The following GPRIN2 variants were observed in gnomAD, a reference collection of about 807,000 sequenced individuals.
The protein encoded by GPRIN2 is G protein regulated inducer of neurite outgrowth 2.
GPRIN2 carries 1 observed loss-of-function variant against 0.3 expected under a neutral mutation model. The observed-to-expected ratio is 3.90, with a 90% confidence interval of 1.39 to 18.51. The LOEUF is 18.51. Ranked by LOEUF, GPRIN2 falls within the 30% of genes most tolerant of loss-of-function variation. The pLI, the probability that GPRIN2 is intolerant of heterozygous loss-of-function variation, is 0.11. For synonymous variants in GPRIN2, 361 were observed against 258.6 expected (o/e 1.40, Z -3.80); for missense variants, 880 against 604.2 (o/e 1.46, Z -4.79).
In GPRIN2 at chr10:46,549,312, C is replaced by A; in HGVS notation, c.*48G>T. The A allele has an allele frequency of 6.9e-7, 1 of 1,453,276 alleles. No individual in the cohort carries two copies. 90.0% of individuals were successfully genotyped at this position (1,453,276 alleles called of 1,614,324 possible). A position where few individuals can be genotyped will look rare whatever the true frequency, so the allele number is the denominator to read the frequency against. On this transcript the variant is annotated 3_prime_UTR_variant, in exon 3 of 3. Coordinates refer to ENST00000374314, the MANE Select transcript of GPRIN2 (RefSeq NM_001385282.1). ...AGCCCCCACCGTCCCTGGCCCAGGT[C>A]TAGGACTAAGTCAGTGGGCCCAGGC... is the stretch of plus-strand genomic sequence containing the variant.
Position 46,549,368 on chromosome 10 carries a change from G to T in GPRIN2, c.1369C>A (p.Pro457Thr), listed in dbSNP as rs1832744424. ...CCAAGGGCCACAGCTCCTCACTCGG[G>T]GGCCGCGCCGGAGCAGCCGCAGCAG... ...PSCCGCSGAA[P>T]E The change falls in exon 3 of 3, where the codon CCC becomes ACC. Residue 457 changes from proline to threonine, a missense_variant. By Grantham distance (38) the Pro-to-Thr change is conservative. Coordinates refer to ENST00000374314, the MANE Select transcript of GPRIN2 (RefSeq NM_001385282.1). The T allele has an allele frequency of 1.4e-6, 2 of 1,475,862 alleles. No individual in the cohort carries two copies. Among genetic ancestry groups the T allele is most frequent in the Admixed American group, 2.7e-5 (1 of 37,400 alleles). 91.4% of individuals were successfully genotyped at this position (1,475,862 alleles called of 1,614,324 possible).
intron 2 of GPRIN2, among the ~76,000 whole-genome samples, chr10:46,553,072 G>C (rs1196014862): frequency 3.9e-5 from 6 of 152,312 alleles, no homozygotes; most frequent in Non-Finnish European, 7.3e-5. Flanking sequence ...AACTGTGCAA[G>C]CAACCTCTTG....
At position 46,544,249 on chromosome 10, in the gene GPRIN2, TGGACA is replaced by T. The variant is rs1177550625; in HGVS notation, c.*5106_*5110del. Among the ~76,000 whole-genome samples the T allele has an allele frequency of 1.3e-5, 2 of 152,302 alleles. No individual in the cohort carries two copies. Among genetic ancestry groups the T allele is most frequent in the Non-Finnish European group, 2.9e-5 (2 of 68,054 alleles). On this transcript the variant is annotated 3_prime_UTR_variant, in exon 3 of 3. Coordinates refer to ENST00000374314, the MANE Select transcript of GPRIN2 (RefSeq NM_001385282.1). ...AGAAACAGCCTTTCATAATACAAGATGGACAGGAAAGAGGCCAAGGGCAGGCAGTT... is the reference window on the plus strand; with the variant it reads ...AGAAACAGCCTTTCATAATACAAGATGGAAAGAGGCCAAGGGCAGGCAGTT...
chr10:46,550,770 G>C (rs1842508130), intron 2 of GPRIN2, 28 bp from the exon 3 acceptor site: 5 of 1,488,814 alleles, frequency 3.4e-6, no homozygotes, highest in Admixed American at 2.4e-5. Flanking sequence ...GGAGGGAGTG[G>C]AGTTGAGTTG....
chr10:46,542,377 G>C lies in GPRIN2; in HGVS notation c.*6983C>G, dbSNP rs886088853. 1.3e-5 allele frequency among the ~76,000 whole-genome samples: 2 copies of C among 152,312 alleles called. No individual in the cohort carries two copies. The highest frequency in any genetic ancestry group is 2.9e-5 in the Non-Finnish European group (2 of 68,058). Reference sequence around the variant, plus strand: ...TATAATCCCCATGTGACAAGGGAGAGATCAGGTGGAGGTGATGGAATCGTG... The same window carrying C: ...TATAATCCCCATGTGACAAGGGAGACATCAGGTGGAGGTGATGGAATCGTG... On this transcript the variant is annotated 3_prime_UTR_variant, in exon 3 of 3. Transcript: ENST00000374314.
rs1209203367 is a variant in GPRIN2 at position 46,546,850 on chromosome 10, G to A, written c.*2510C>T. Reference sequence around the variant, plus strand: ...ATCTGGGGCCCCAGCCAAGACACAGGTGTTGGATTTCAGCACCGCTCTGCA... The same window carrying A: ...ATCTGGGGCCCCAGCCAAGACACAGATGTTGGATTTCAGCACCGCTCTGCA... On this transcript the variant is annotated 3_prime_UTR_variant, in exon 3 of 3. Coordinates refer to ENST00000374314, the MANE Select transcript of GPRIN2 (RefSeq NM_001385282.1). Among the ~76,000 whole-genome samples the A allele has an allele frequency of 1.3e-5, 2 of 152,310 alleles. No individual in the cohort carries two copies. The highest frequency in any genetic ancestry group is 2.9e-5 in the Non-Finnish European group (2 of 68,058).
Position 46,546,876 on chromosome 10 carries a change from A to T in GPRIN2, c.*2484T>A, listed in dbSNP as rs1842205800. 6.6e-6 allele frequency among the ~76,000 whole-genome samples: 1 copy of T among 152,312 alleles called. No homozygotes were observed. The highest frequency in any genetic ancestry group is 2.4e-5 in the African/African-American group (1 of 41,488). On this transcript the variant is annotated 3_prime_UTR_variant, in exon 3 of 3. Coordinates refer to ENST00000374314, the MANE Select transcript of GPRIN2 (RefSeq NM_001385282.1). Reference sequence around the variant, plus strand: ...TGTTGGATTTCAGCACCGCTCTGCAAATACTCATCTCAGTGACGATGAGGT... The same window carrying T: ...TGTTGGATTTCAGCACCGCTCTGCATATACTCATCTCAGTGACGATGAGGT...
At chr10:46,555,724 G>A (rs2133359618) in intron 1 of GPRIN2, among the ~76,000 whole-genome samples, 1 of 152,428 alleles carries the variant, frequency 6.6e-6, no homozygotes, top group African/African-American at 2.4e-5. Flanking sequence ...CTCCCCTGGG[G>A]AGGATTTGCC....
chr10:46,543,601 C>T lies in GPRIN2; in HGVS notation c.*5759G>A, dbSNP rs1841910620. On this transcript the variant is annotated 3_prime_UTR_variant, in exon 3 of 3. Transcript: ENST00000374314. ...CTGCAGGGAAATGAAAAGCTCCAGG[C>T]AGGACAGACTGGGCGATGACTGCAT... Among the ~76,000 whole-genome samples the T allele has an allele frequency of 6.6e-6, 1 of 152,420 alleles. No individual in the cohort carries two copies. Among genetic ancestry groups the T allele is most frequent in the South Asian group, 2.1e-4 (1 of 4,830 alleles).
At position 46,549,896 on chromosome 10, in the gene GPRIN2, T is replaced by C. The variant is rs1555018369; in HGVS notation, c.841A>G (p.Arg281Gly). 1 of 1,614,272 alleles carries C rather than the reference T, an allele frequency of 6.2e-7. No individual in the cohort carries two copies. ...TGCCCAGGGAGCCCCCCAGACAACC[T>C]ACAGTGGATCTTCACCCCATGCTGA... ...QAQHGVKIHC[R>G]LSGGLPGHSH... Residue 281 changes from arginine (R) to glycine (G), a missense_variant, in exon 3 of 3, where the codon AGG (arginine) becomes GGG (glycine). Transcript: ENST00000374314.
chr10:46,553,991 A>G (rs1216433181), intron 2 of GPRIN2, among the ~76,000 whole-genome samples: 1 of 152,308 alleles, frequency 6.6e-6, no homozygotes, highest in Admixed American at 6.5e-5. Context: ...TCTGCTTCCA[A>G]TGGGGGCTCT....
Position 46,550,328 on chromosome 10 carries a change from G to A in GPRIN2, c.409C>T (p.Arg137Trp), listed in dbSNP as rs140859626. The A allele has an allele frequency of 1.8e-3, 2,964 of 1,611,016 alleles. No individual in the cohort carries two copies. Among genetic ancestry groups the A allele is most frequent in the Middle Eastern group, 8.6e-3 (52 of 6,018 alleles). The change falls in exon 3 of 3, where the codon CGG (arginine) becomes TGG (tryptophan). Residue 137 changes from arginine to tryptophan, a missense_variant. Coordinates refer to ENST00000374314, the MANE Select transcript of GPRIN2 (RefSeq NM_001385282.1). ...GCTGAGCAGCTGAGACTGGCCTTCC[G>A]AGCACCACTGTGTCCCCGCATCTGG... ...STQMRGHSGA[R>W]KASLSCSALG... is the part of the protein sequence containing the mutation.
chr10:46,557,046 C>CCG (rs1418002168), upstream of GPRIN2, among the ~76,000 whole-genome samples: 9 of 144,020 alleles, frequency 6.2e-5, no homozygotes, highest in South Asian at 1.0e-3. Context: ...GCTCCAGTTC[C>CCG]CCCTCCGCAC....
chr10:46,556,375 G>A (rs987195133), intron 1 of GPRIN2, among the ~76,000 whole-genome samples, 123 bp downstream of exon 1: 2 of 152,418 alleles, frequency 1.3e-5, no homozygotes, highest in South Asian at 4.1e-4. Flanking sequence ...CTGGGCAGGG[G>A]CCAGGATGCC....
In GPRIN2 at chr10:46,549,276, A is replaced by C; in HGVS notation, c.*84T>G. On this transcript the variant is annotated 3_prime_UTR_variant, in exon 3 of 3. Transcript: ENST00000374314. Reference sequence around the variant, plus strand: ...GATGTGCCCAGCTGCCGGTGGGTCCAGGGGGCACGGAGCCCCCACCGTCCC... The same window carrying C: ...GATGTGCCCAGCTGCCGGTGGGTCCCGGGGGCACGGAGCCCCCACCGTCCC... 5 of 1,428,514 alleles carry C rather than the reference A, an allele frequency of 3.5e-6. No homozygotes were observed. The highest frequency in any genetic ancestry group is 4.6e-6 in the Non-Finnish European group (5 of 1,085,608). The allele number at this position is 1,428,514 out of a possible 1,614,324, so 88.5% of individuals were successfully genotyped here. A position where few individuals can be genotyped will look rare whatever the true frequency, so the allele number is the denominator to read the frequency against.
rs1841843183 is a variant in GPRIN2 at position 46,542,591 on chromosome 10, TC to T, written c.*6768del. ...AGGCTTCCTGTAAGTTTCCTGAGGC[TC>T]CCCGGGCCACGTGGAACTGTGAGTC... On this transcript the variant is annotated 3_prime_UTR_variant, in exon 3 of 3. Transcript: ENST00000374314. Among the ~76,000 whole-genome samples the T allele has an allele frequency of 1.3e-5, 2 of 152,424 alleles. No individual in the cohort carries two copies. The highest frequency in any genetic ancestry group is 4.8e-5 in the African/African-American group (2 of 41,610).
rs143196506 is a variant in GPRIN2 at position 46,550,033 on chromosome 10, A to G, written c.704T>C (p.Leu235Pro). 6 of 1,613,864 alleles carry G rather than the reference A, an allele frequency of 3.7e-6. No homozygotes were observed. In the African/African-American group the frequency reaches 5.3e-5, roughly 14 times the overall value. Residue 235 changes from leucine (L) to proline (P), a missense_variant, in exon 3 of 3, where the codon CTC (leucine) becomes CCC (proline). Leu to Pro is a moderately conservative substitution (Grantham distance 98, BLOSUM62 -3). Transcript: ENST00000374314. ...AGCCCTCACCTCCCTCATGCCACAGAGTAGAGCAGCTGGGGGCAGAGCATG... is the reference window on the plus strand; with the variant it reads ...AGCCCTCACCTCCCTCATGCCACAGGGTAGAGCAGCTGGGGGCAGAGCATG... ...TCHALPPAAL[L>P]CGMREVRAGG...
rs972762348 is a variant in GPRIN2 at position 46,547,808 on chromosome 10, C to A, written c.*1552G>T. Among the ~76,000 whole-genome samples the A allele has an allele frequency of 2.6e-5, 4 of 152,300 alleles. No homozygotes were observed. Among genetic ancestry groups the A allele is most frequent in the Non-Finnish European group, 4.4e-5 (3 of 68,054 alleles). ...GACAGCCCCAGAATCCCAAGGGGTG[C>A]ACCTATGCATATGGGAAAGGCATGT... On this transcript the variant is annotated 3_prime_UTR_variant, in exon 3 of 3. Coordinates refer to ENST00000374314, the MANE Select transcript of GPRIN2 (RefSeq NM_001385282.1).
chr10:46,550,571 T>C lies in GPRIN2; in HGVS notation c.166A>G (p.Ser56Gly). The C allele has an allele frequency of 6.3e-7, 1 of 1,586,422 alleles. No homozygotes were observed. The highest frequency in any genetic ancestry group is 8.6e-7 in the Non-Finnish European group (1 of 1,166,474). The change falls in exon 3 of 3, where the codon AGC becomes GGC. Residue 56 changes from serine (S) to glycine (G), a missense_variant. Coordinates refer to ENST00000374314, the MANE Select transcript of GPRIN2 (RefSeq NM_001385282.1). ...TVWQAQLGEA[S>G]TRPQAPEEEG... is the part of the protein sequence containing the mutation. Reference sequence around the variant, plus strand: ...TCCTCCGGGGCCTGGGGTCTGGTGCTGGCCTCGCCCAGCTGGGCCTGCCAC... The same window carrying C: ...TCCTCCGGGGCCTGGGGTCTGGTGCCGGCCTCGCCCAGCTGGGCCTGCCAC...
Sources: gnomAD v4.1 joint callset for allele counts (sites outside exome capture counted in the v4.1 genomes callset) on GRCh38, gnomAD v4.1.1 for gene constraint, MANE v1.5 for transcripts, NCBI Gene and HGNC (gene_info 2026-07-23, HGNC 2026-07-21) for gene names.